CDH8: variants seen among roughly 807,000 people sequenced by gnomAD.
CDH8 encodes cadherin-8.
In CDH8, 17 loss-of-function variants were observed where a neutral mutation model predicts 68.1. The ratio of observed to expected loss-of-function variants is 0.25; its 90% CI spans 0.17 to 0.37. CDH8 has a LOEUF of 0.37. CDH8 is among the 10% of genes least tolerant of loss of function. The pLI is 1.00. For synonymous variants in CDH8, 372 were observed against 365.1 expected (o/e 1.02, Z -0.21); for missense variants, 763 against 999.3 (o/e 0.76, Z 3.19).
intron 2 of CDH8, among the ~76,000 whole-genome samples, chr16:61,992,999 G>A (rs1965751251): frequency 6.6e-6 from 1 of 152,084 alleles, no homozygotes. Flanking sequence ...TTCTCAGGCT[G>A]GTCTTGAACT....
At chr16:61,683,739 C>T (rs191303353) in intron 10 of CDH8, among the ~76,000 whole-genome samples, 1 of 152,150 alleles carries the variant, frequency 6.6e-6, no homozygotes, top group African/African-American at 2.4e-5. Context: ...CATTAAGAGT[C>T]TTATAGATGG....
chr16:61,746,710 CA>C (rs1242199393), intron 8 of CDH8, among the ~76,000 whole-genome samples: 1 of 151,962 alleles, frequency 6.6e-6, no homozygotes, highest in Non-Finnish European at 1.5e-5. Context: ...TCCGTGAGTT[CA>C]AAGGACACTG....
At chr16:61,922,128 T>C (rs1416925943) in intron 2 of CDH8, among the ~76,000 whole-genome samples, 1 of 152,204 alleles carries the variant, frequency 6.6e-6, no homozygotes, top group Admixed American at 6.5e-5. Context: ...AGTCTCAATT[T>C]CTATTGTTGT....
intron 10 of CDH8, among the ~76,000 whole-genome samples, chr16:61,677,638 G>A (rs1401046778): frequency 6.6e-6 from 1 of 151,946 alleles, no homozygotes; most frequent in African/African-American, 2.4e-5. Context: ...TGGAATTTCA[G>A]CCTCTATGTA....
intron 10 of CDH8, among the ~76,000 whole-genome samples, chr16:61,665,460 A>G (rs1164383590): frequency 6.6e-6 from 1 of 152,022 alleles, no homozygotes; most frequent in Non-Finnish European, 1.5e-5. Context: ...CAATGAGAAC[A>G]CATGGACACA....
At chr16:61,706,620 C>CAAAAAAA (rs781148249) in intron 10 of CDH8, among the ~76,000 whole-genome samples, 1,062 of 60,344 alleles carry the variant, frequency 0.018, 50 homozygotes, top group Non-Finnish European at 0.026. Context: ...GACTCTGTCT[C>CAAAAAAA]AAAAAAAAAA....
intron 2 of CDH8, among the ~76,000 whole-genome samples, chr16:62,004,756 C>A (rs1422550214): frequency 6.6e-6 from 1 of 152,152 alleles, no homozygotes; most frequent in Non-Finnish European, 1.5e-5. Flanking sequence ...AAATACTATT[C>A]TTTAAAAAGT....
intron 2 of CDH8, among the ~76,000 whole-genome samples, chr16:61,970,828 G>A (rs1965325524): frequency 6.6e-6 from 1 of 152,192 alleles, no homozygotes; most frequent in African/African-American, 2.4e-5. Flanking sequence ...CATCCCCTAT[G>A]ACTTGCACGT....
intron 2 of CDH8, among the ~76,000 whole-genome samples, chr16:61,912,386 T>C (rs566405566): frequency 5.3e-5 from 8 of 152,196 alleles, no homozygotes; most frequent in East Asian, 1.9e-4. Context: ...ATTTAAAGCT[T>C]TGGAAGAATG....
intron 2 of CDH8, among the ~76,000 whole-genome samples, chr16:62,018,725 G>A (rs2150610503): frequency 6.6e-6 from 1 of 152,282 alleles, no homozygotes; most frequent in Middle Eastern, 3.4e-3. Context: ...TTTGGGAATT[G>A]GTCATGGTAG....
In CDH8 at chr16:61,810,483, A is replaced by G. The variant is rs546704732; in HGVS notation, c.1277+6996T>C. 2.6e-5 allele frequency among the ~76,000 whole-genome samples: 4 copies of G among 151,848 alleles called. No homozygotes were observed. In the South Asian group the frequency reaches 6.2e-4, roughly 24 times the overall value. ...TTCTTTATAGTCAGAGAGGAGAGAGAGAGAGAGAGAGAGAAAGACAGGAAA... is the reference window on the plus strand; with the variant it reads ...TTCTTTATAGTCAGAGAGGAGAGAGGGAGAGAGAGAGAGAAAGACAGGAAA... On this transcript the variant is annotated intron_variant, in intron 7 of 11. Coordinates refer to ENST00000577390, the MANE Select transcript of CDH8 (RefSeq NM_001796.5).
chr16:61,931,979 G>T (rs921848669), intron 2 of CDH8, among the ~76,000 whole-genome samples: 4 of 151,840 alleles, frequency 2.6e-5, no homozygotes, highest in African/African-American at 9.7e-5. Context: ...AGGCCGAGGC[G>T]GGCGGATCAC....
chr16:61,730,265 C>T (rs1959497272), intron 8 of CDH8, among the ~76,000 whole-genome samples: 1 of 151,370 alleles, frequency 6.6e-6, no homozygotes, highest in African/African-American at 2.4e-5. Flanking sequence ...TCTCATATGT[C>T]ATATATGGGA....
intron 2 of CDH8, among the ~76,000 whole-genome samples, chr16:61,995,868 C>T (rs1239073176): frequency 6.6e-6 from 1 of 152,162 alleles, no homozygotes; most frequent in East Asian, 1.9e-4. Flanking sequence ...TACATCTCAC[C>T]TGCCCAACTC....
intron 2 of CDH8, among the ~76,000 whole-genome samples, chr16:61,988,607 A>AAACC (rs891635697): frequency 6.6e-6 from 1 of 152,102 alleles, no homozygotes; most frequent in African/African-American, 2.4e-5. Flanking sequence ...ACAAACAAAC[A>AAACC]AAAAAAGGTA....
intron 2 of CDH8, among the ~76,000 whole-genome samples, chr16:61,998,709 T>C (rs1965846727): frequency 6.6e-6 from 1 of 152,190 alleles, no homozygotes; most frequent in Admixed American, 6.5e-5. Flanking sequence ...GGATGGGTAG[T>C]AGCATTGTCA....
At chr16:61,749,761 T>A (rs1960111607) in intron 8 of CDH8, among the ~76,000 whole-genome samples, 1 of 152,088 alleles carries the variant, frequency 6.6e-6, no homozygotes, top group Non-Finnish European at 1.5e-5. Flanking sequence ...TTCACCTTCC[T>A]CTGAGATCCT....
In CDH8 at chr16:61,867,948, C is replaced by T. The variant is rs541331100; in HGVS notation, c.548-10710G>A. ...TCTTTCTTATTCTCTCAACTTTCCC[C>T]TCTCATCCTCCCCTCCAGAATTAAC... On this transcript the variant is annotated intron_variant, in intron 3 of 11. Coordinates refer to ENST00000577390, the MANE Select transcript of CDH8 (RefSeq NM_001796.5). Among the ~76,000 whole-genome samples the T allele has an allele frequency of 4.4e-4, 67 of 152,278 alleles. 1 individual carries two copies. Among genetic ancestry groups the T allele is most frequent in the African/African-American group, 1.6e-3 (66 of 41,562 alleles).
At chr16:61,985,882 A>G in intron 2 of CDH8, among the ~76,000 whole-genome samples, 1 of 151,468 alleles carries the variant, frequency 6.6e-6, no homozygotes, top group East Asian at 1.9e-4. Context: ...ATCTCCATAT[A>G]CATACATAAT....
Sources: allele counts gnomAD v4.1 joint callset (sites outside exome capture counted in the v4.1 genomes callset), GRCh38; gene constraint gnomAD v4.1.1; transcripts MANE v1.5; gene names NCBI Gene and HGNC (gene_info 2026-07-23, HGNC 2026-07-21).